ELP4: variants seen among roughly 807,000 people sequenced by gnomAD.
The protein encoded by ELP4 is elongator acetyltransferase complex subunit 4, also known as elongator complex protein 4.
ELP4 carries 51 observed loss-of-function variants against 48.9 expected under a neutral mutation model. The ratio of observed to expected loss-of-function variants is 1.04; its 90% CI spans 0.83 to 1.32. The LOEUF is 1.32. Among genes scored for constraint, ELP4 ranks in the 40% most tolerant of loss-of-function variants. ELP4 has a pLI of 0.00. For missense variants in ELP4, 519 were observed against 514.6 expected, an observed-to-expected ratio of 1.01 and a Z score of -0.08; for synonymous variants, 210 against 189.2, an observed-to-expected ratio of 1.11 and a Z score of -0.90.
chr11:31,533,438 C>T (rs1474525660), intron 2 of ELP4, among the ~76,000 whole-genome samples: 1 of 133,720 alleles, frequency 7.5e-6, no homozygotes, highest in Non-Finnish European at 1.5e-5. Context: ...ACTGCAGTGG[C>T]GCTATCTCGG....
chr11:31,574,209 G>A (rs977149125), intron 3 of ELP4, among the ~76,000 whole-genome samples: 11 of 152,132 alleles, frequency 7.2e-5, no homozygotes, highest in African/African-American at 1.4e-4. Flanking sequence ...GTCTGAGATC[G>A]AACTGCAAGG....
chr11:31,672,628 C>G (rs903541963), intron 9 of ELP4, among the ~76,000 whole-genome samples: 2 of 151,892 alleles, frequency 1.3e-5, no homozygotes, highest in African/African-American at 4.8e-5. Context: ...CCCATCTCTA[C>G]AAAAAATACA....
intron 9 of ELP4, chr11:31,707,104 G>A: frequency 2.5e-6 from 1 of 397,470 alleles, no homozygotes; most frequent in African/African-American, 2.1e-5. Flanking sequence ...CCCAGTAGTG[G>A]GATTGCTGGA....
At chr11:31,634,939 T>C (rs1290259341) in intron 7 of ELP4, among the ~76,000 whole-genome samples, 1 of 151,958 alleles carries the variant, frequency 6.6e-6, no homozygotes, top group Non-Finnish European at 1.5e-5. Flanking sequence ...CAATTTTCAA[T>C]CTCTCATTCC....
chr11:31,750,926 C>G (rs765295808), intron 9 of ELP4, among the ~76,000 whole-genome samples: 3 of 152,194 alleles, frequency 2.0e-5, no homozygotes, highest in Non-Finnish European at 4.4e-5. Context: ...CTGAAATGTG[C>G]AGAAGAAACA....
intron 9 of ELP4, among the ~76,000 whole-genome samples, chr11:31,672,332 ATTAC>A (rs2134108584): frequency 6.6e-6 from 1 of 152,276 alleles, no homozygotes; most frequent in East Asian, 1.9e-4. Context: ...TTGTACGATT[ATTAC>A]TTTTTTAAAA....
At chr11:31,577,268 G>C (rs1957300567) in intron 3 of ELP4, among the ~76,000 whole-genome samples, 1 of 152,094 alleles carries the variant, frequency 6.6e-6, no homozygotes, top group Non-Finnish European at 1.5e-5. Flanking sequence ...ACCAATAACA[G>C]ATTCTGAAAT....
chr11:31,730,465 C>T (rs1337234549), intron 9 of ELP4, among the ~76,000 whole-genome samples: 2 of 152,106 alleles, frequency 1.3e-5, no homozygotes, highest in African/African-American at 4.8e-5. Context: ...TACATTTTAA[C>T]ATGAATTTTG....
At chr11:31,520,450 C>T (rs758784564) in intron 2 of ELP4, among the ~76,000 whole-genome samples, 3 of 151,926 alleles carry the variant, frequency 2.0e-5, no homozygotes, top group Non-Finnish European at 4.4e-5. Flanking sequence ...CCAAGTCCAT[C>T]GTATATATCA....
intron 1 of ELP4, chr11:31,512,372 A>T (rs757603214): frequency 4.6e-5 from 7 of 152,216 alleles, no homozygotes; most frequent in Non-Finnish European, 8.8e-5. Context: ...AATATATTTG[A>T]AAGGCATCAT....
chr11:31,549,362 T>C (rs929707729), intron 3 of ELP4, among the ~76,000 whole-genome samples: 1 of 152,196 alleles, frequency 6.6e-6, no homozygotes, highest in Non-Finnish European at 1.5e-5. Context: ...AAGACATTTA[T>C]GCACCCAAAA....
intron 3 of ELP4, among the ~76,000 whole-genome samples, chr11:31,541,265 G>A (rs184950834): frequency 6.6e-6 from 1 of 152,252 alleles, no homozygotes; most frequent in East Asian, 1.9e-4. Context: ...AAATAATATT[G>A]TTATGAAATC....
chr11:31,519,154 G>A (rs948374265), intron 1 of ELP4, among the ~76,000 whole-genome samples: 3 of 152,036 alleles, frequency 2.0e-5, no homozygotes, highest in South Asian at 2.1e-4. Context: ...TAGTAATACC[G>A]AAAATGTATT....
At chr11:31,755,681 G>A (rs1036894159) in intron 9 of ELP4, among the ~76,000 whole-genome samples, 7 of 150,592 alleles carry the variant, frequency 4.6e-5, no homozygotes, top group Middle Eastern at 6.8e-3. Flanking sequence ...ATAGACTAGA[G>A]GAGACTGTGG....
chr11:31,751,295 A>G (rs1051339304), intron 9 of ELP4, among the ~76,000 whole-genome samples: 2 of 152,242 alleles, frequency 1.3e-5, no homozygotes, highest in African/African-American at 4.8e-5. Flanking sequence ...TCAAGCCTCT[A>G]CATATGTCCA....
chr11:31,649,883 G>A (rs757862749), intron 8 of ELP4: 2 of 358,764 alleles, frequency 5.6e-6, no homozygotes, highest in Non-Finnish European at 1.0e-5. Context: ...CTGTACTTCT[G>A]TACCAAAGTG....
intron 9 of ELP4, among the ~76,000 whole-genome samples, chr11:31,704,968 G>A (rs752107857): frequency 4.0e-5 from 6 of 149,804 alleles, no homozygotes; most frequent in Non-Finnish European, 7.4e-5. Context: ...CTGAGATCGC[G>A]CCACTGCACG....
At chr11:31,682,674 T>C (rs924346254) in intron 9 of ELP4, among the ~76,000 whole-genome samples, 2 of 152,174 alleles carry the variant, frequency 1.3e-5, no homozygotes, top group African/African-American at 4.8e-5. Context: ...ACACAACTCC[T>C]ACCCATAAAG....
At chr11:31,669,041 C>A (rs1945746722) in intron 9 of ELP4, among the ~76,000 whole-genome samples, 1 of 151,766 alleles carries the variant, frequency 6.6e-6, no homozygotes, top group Non-Finnish European at 1.5e-5. Context: ...GCAGTCTCCT[C>A]AATGGCCCAT....
Sources: gnomAD v4.1 joint callset for allele counts (sites outside exome capture counted in the v4.1 genomes callset) on GRCh38, gnomAD v4.1.1 for gene constraint, MANE v1.5 for transcripts, NCBI Gene and HGNC (gene_info 2026-07-23, HGNC 2026-07-21) for gene names.